The following CCDC91 variants were observed in gnomAD, a reference collection of about 807,000 sequenced individuals.
CCDC91 encodes the protein coiled-coil domain-containing protein 91.
In CCDC91, 48 loss-of-function variants were observed where a neutral mutation model predicts 63.2. The observed-to-expected ratio is 0.76, with a 90% CI of 0.60 to 0.97. The LOEUF (loss-of-function observed/expected upper bound fraction) is 0.97. Among genes scored for constraint, CCDC91 ranks in the 50% least tolerant of loss-of-function variants. The probability of loss-of-function intolerance (pLI) is 0.00; values close to 1 mark genes in which losing one functional copy is unlikely to be tolerated. For synonymous variants in CCDC91, 167 were observed against 165.8 expected (o/e 1.01, Z -0.06); for missense variants, 500 against 494.6 (o/e 1.01, Z -0.10).
intron 8 of CCDC91, among the ~76,000 whole-genome samples, chr12:28,448,018 A>G (rs1224539040): frequency 6.6e-6 from 1 of 152,136 alleles, no homozygotes; most frequent in Non-Finnish European, 1.5e-5. Flanking sequence ...CCAAATGGCA[A>G]TGAGGCCTTA....
At chr12:28,247,495 AAAG>A (rs1945833420) in intron 1 of CCDC91, among the ~76,000 whole-genome samples, 1 of 152,038 alleles carries the variant, frequency 6.6e-6, no homozygotes, top group Non-Finnish European at 1.5e-5. Context: ...AAAAAAAAAA[AAAG>A]AATTTTTACT....
intron 12 of CCDC91, among the ~76,000 whole-genome samples, chr12:28,498,209 TCA>T (rs1238470638): frequency 1.3e-5 from 2 of 151,622 alleles, no homozygotes; most frequent in Admixed American, 1.3e-4. Flanking sequence ...TATTTATGAC[TCA>T]CACATCAGTA....
intron 3 of CCDC91, among the ~76,000 whole-genome samples, chr12:28,301,464 T>A (rs1173716646): frequency 1.3e-5 from 2 of 151,646 alleles, no homozygotes; most frequent in African/African-American, 4.8e-5. Context: ...TTCATTTTTT[T>A]AATATTTTAT....
intron 6 of CCDC91, among the ~76,000 whole-genome samples, chr12:28,317,950 A>G (rs534244890): frequency 6.6e-6 from 1 of 152,040 alleles, no homozygotes; most frequent in Non-Finnish European, 1.5e-5. Flanking sequence ...TAAACATTTC[A>G]CTTTTATACT....
intron 8 of CCDC91, among the ~76,000 whole-genome samples, chr12:28,419,868 C>A (rs1947899062): frequency 1.3e-5 from 2 of 151,676 alleles, no homozygotes; most frequent in South Asian, 4.2e-4. Flanking sequence ...GCTATCCTAA[C>A]ACCTAAGCCT....
chr12:28,283,895 T>G (rs1463783517), intron 3 of CCDC91, among the ~76,000 whole-genome samples: 2 of 152,170 alleles, frequency 1.3e-5, no homozygotes, highest in African/African-American at 4.8e-5. Context: ...TTCAGGGTTT[T>G]GGATTAGGGA....
At chr12:28,491,944 C>T (rs1425339866) in intron 12 of CCDC91, among the ~76,000 whole-genome samples, 3 of 142,250 alleles carry the variant, frequency 2.1e-5, no homozygotes, top group South Asian at 2.3e-4. Flanking sequence ...TGTGTGTGTG[C>T]GTGTATGAAG....
chr12:28,242,250 G>A (rs1945395636), intron 1 of CCDC91, among the ~76,000 whole-genome samples: 1 of 152,144 alleles, frequency 6.6e-6, no homozygotes, highest in African/African-American at 2.4e-5. Context: ...CAGCCTAAGT[G>A]TTTGACATGT....
chr12:28,258,880 A>G (rs1361945873), intron 2 of CCDC91, among the ~76,000 whole-genome samples: 1 of 152,014 alleles, frequency 6.6e-6, no homozygotes, highest in African/African-American at 2.4e-5. Flanking sequence ...AAATTCTCTA[A>G]ATATTGAAAG....
At chr12:28,530,520 T>TAAA in intron 12 of CCDC91, among the ~76,000 whole-genome samples, 1 of 152,302 alleles carries the variant, frequency 6.6e-6, no homozygotes, top group South Asian at 2.1e-4. Context: ...AATTAGTAAT[T>TAAA]ATTTTATACC....
intron 1 of CCDC91, among the ~76,000 whole-genome samples, chr12:28,226,837 GT>G: frequency 6.6e-6 from 1 of 152,120 alleles, no homozygotes; most frequent in Admixed American, 6.5e-5. Context: ...AACTTTACTT[GT>G]TTTTGATGAC....
intron 1 of CCDC91, among the ~76,000 whole-genome samples, chr12:28,218,263 T>C (rs2135614677): frequency 6.6e-6 from 1 of 152,320 alleles, no homozygotes; most frequent in South Asian, 2.1e-4. Flanking sequence ...GTTGGTCTAC[T>C]GTGATCTTTC....
At chr12:28,191,388 G>A (rs956744360) in intron 1 of CCDC91, 18 of 152,252 alleles carry the variant, frequency 1.2e-4, no homozygotes, top group African/African-American at 4.3e-4. Context: ...GAGAGTTGGG[G>A]CAGAGCTCGA....
At chr12:28,534,434 G>A (rs772742923) in intron 12 of CCDC91, among the ~76,000 whole-genome samples, 5 of 152,158 alleles carry the variant, frequency 3.3e-5, no homozygotes, top group African/African-American at 1.2e-4. Context: ...AAATAGTAAG[G>A]TGAAGTTCTA....
chr12:28,340,733 T>C (rs1258323839), intron 6 of CCDC91, among the ~76,000 whole-genome samples: 1 of 152,092 alleles, frequency 6.6e-6, no homozygotes, highest in East Asian at 1.9e-4. Context: ...TAGGGGTGAA[T>C]GTTTACAGCT....
At chr12:28,535,886 G>A (rs1440330875) in intron 12 of CCDC91, among the ~76,000 whole-genome samples, 6 of 151,818 alleles carry the variant, frequency 4.0e-5, no homozygotes, top group Non-Finnish European at 7.4e-5. Flanking sequence ...AAATTTAGCC[G>A]GACATGGTGG....
intron 3 of CCDC91, among the ~76,000 whole-genome samples, chr12:28,295,311 T>C (rs1373631112): frequency 6.6e-6 from 1 of 152,158 alleles, no homozygotes; most frequent in Non-Finnish European, 1.5e-5. Context: ...GAGTCAAGAC[T>C]TTATCTTTTT....
intron 3 of CCDC91, among the ~76,000 whole-genome samples, chr12:28,296,729 A>G (rs980360729): frequency 4.6e-5 from 7 of 151,802 alleles, no homozygotes; most frequent in Non-Finnish European, 4.4e-5. Flanking sequence ...GACTTTCACC[A>G]TTTTCTGTAA....
chr12:28,210,080 C>T (rs1279795229), intron 1 of CCDC91, among the ~76,000 whole-genome samples: 1 of 152,086 alleles, frequency 6.6e-6, no homozygotes, highest in Non-Finnish European at 1.5e-5. Flanking sequence ...TACTTTAGGA[C>T]AATAATTTAC....
Sources: gnomAD v4.1 joint callset for allele counts (sites outside exome capture counted in the v4.1 genomes callset) on GRCh38, gnomAD v4.1.1 for gene constraint, MANE v1.5 for transcripts, NCBI Gene and HGNC (gene_info 2026-07-23, HGNC 2026-07-21) for gene names.